KRT73: variants seen among roughly 807,000 people sequenced by gnomAD.
KRT73 encodes the protein keratin, type II cytoskeletal 73.
KRT73 carries 44 observed loss-of-function variants against 47.2 expected under a neutral mutation model. The ratio of observed to expected loss-of-function variants is 0.93; its 90% confidence interval spans 0.73 to 1.20. KRT73 has a LOEUF of 1.20. Ranked by LOEUF, KRT73 falls within the 50% of genes most tolerant of loss-of-function variation. KRT73 has a pLI of 0.00. For missense variants in KRT73, 713 were observed against 704.5 expected (o/e 1.01, Z -0.14); for synonymous variants, 285 against 291.3 (o/e 0.98, Z 0.22).
chr12:52,616,010 G>A (rs1295911186), intron 2 of KRT73, among the ~76,000 whole-genome samples, 156 bp downstream of exon 2: 1 of 152,220 alleles, frequency 6.6e-6, no homozygotes, highest in Non-Finnish European at 1.5e-5. Context: ...GAGGCTGGTT[G>A]TCCACTGTCT....
At chr12:52,623,998 G>A in the KRT73 span, among the ~76,000 whole-genome samples, 1 of 151,882 alleles carries the variant, frequency 6.6e-6, no homozygotes, top group Non-Finnish European at 1.5e-5. Flanking sequence ...AATATAAATG[G>A]CCTAAATGTA....
At position 52,608,119 on chromosome 12, in the gene KRT73, A is replaced by C. The variant is rs1041482223; in HGVS notation, c.*77T>G. The C allele has an allele frequency of 6.8e-7, 1 of 1,465,284 alleles. No individual in the cohort carries two copies. Among genetic ancestry groups the C allele is most frequent in the Non-Finnish European group, 9.2e-7 (1 of 1,082,264 alleles). The allele number at this position is 1,465,284 out of a possible 1,614,324, so 90.8% of individuals were successfully genotyped here. The stretch of plus-strand genomic sequence containing the variant: ...AGAAGGAGATGAGGACAAATGAGAC[A>C]GAGGAATTTCCTAGAAGAGTCCGGA... On this transcript the variant is annotated 3_prime_UTR_variant, in exon 9 of 9. Transcript: ENST00000305748.
the KRT73 span, among the ~76,000 whole-genome samples, chr12:52,624,201 A>T: frequency 6.6e-6 from 1 of 152,086 alleles, no homozygotes; most frequent in Non-Finnish European, 1.5e-5. Flanking sequence ...AGAAATAGTG[A>T]TTTAGTAAGA....
the KRT73 span, among the ~76,000 whole-genome samples, chr12:52,629,345 A>G: frequency 6.6e-6 from 1 of 152,054 alleles, no homozygotes; most frequent in African/African-American, 2.4e-5. Context: ...CACACCACCC[A>G]CTGTCTGGGC....
intron 2 of KRT73, 98 bp from the exon 3 acceptor site, chr12:52,615,437 CT>C: frequency 2.1e-6 from 2 of 941,518 alleles, no homozygotes; most frequent in Non-Finnish European, 3.4e-6. Context: ...TATTATATGC[CT>C]TTTAAGAGGT....
chr12:52,619,654 C>A (rs1205156732), upstream of KRT73, among the ~76,000 whole-genome samples: 1 of 152,198 alleles, frequency 6.6e-6, no homozygotes, highest in Non-Finnish European at 1.5e-5. Flanking sequence ...CTGACTCTCT[C>A]CCAGGTACTG....
intron 4 of KRT73, 52 bp from the exon 5 acceptor site, chr12:52,613,904 C>T (rs749258190): frequency 3.8e-6 from 6 of 1,590,222 alleles, no homozygotes; most frequent in African/African-American, 1.3e-5. Flanking sequence ...AGAGAAAGGT[C>T]CCAAGGTGAT....
intron 4 of KRT73, chr12:52,614,345 C>A: frequency 2.1e-6 from 1 of 486,424 alleles, no homozygotes; most frequent in Non-Finnish European, 3.6e-6. Flanking sequence ...CAGTGGGAAC[C>A]CTTTAAGGAC....
chr12:52,616,524 A>G, intron 1 of KRT73, 144 bp from the exon 2 acceptor site: 1 of 973,466 alleles, frequency 1.0e-6, no homozygotes, highest in Non-Finnish European at 1.5e-6. Flanking sequence ...TGCCACTCAC[A>G]CCCCCACTCC....
chr12:52,630,072 C>T, the KRT73 span, among the ~76,000 whole-genome samples: 1 of 152,214 alleles, frequency 6.6e-6, no homozygotes, highest in Non-Finnish European at 1.5e-5. Flanking sequence ...CACCCTTTTC[C>T]CTCTTGTTCA....
At chr12:52,628,352 G>A in the KRT73 span, among the ~76,000 whole-genome samples, 85 of 152,034 alleles carry the variant, frequency 5.6e-4, no homozygotes, top group African/African-American at 1.9e-3. Context: ...GGGTGGGGCC[G>A]GGCTGGCACA....
At position 52,616,160 on chromosome 12, in the gene KRT73, G is replaced by T. The variant is rs201596949; in HGVS notation, c.662+6C>A. On this transcript the variant is annotated splice_donor_region_variant and intron_variant, in intron 2 of 8. Coordinates refer to ENST00000305748, the MANE Select transcript of KRT73 (RefSeq NM_175068.3). ...GCAGACCAGCCTGGAGTGGCGTCCTGCTCACCTCTTCTTGTAGTCCTCCAC... is the reference window on the plus strand; with the variant it reads ...GCAGACCAGCCTGGAGTGGCGTCCTTCTCACCTCTTCTTGTAGTCCTCCAC... 6.2e-7 allele frequency: 1 copy of T among 1,614,020 alleles called. No individual in the cohort carries two copies. The highest frequency in any genetic ancestry group is 8.5e-7 in the Non-Finnish European group (1 of 1,179,914).
the KRT73 span, among the ~76,000 whole-genome samples, chr12:52,629,914 C>T: frequency 2.0e-5 from 3 of 152,186 alleles, no homozygotes; most frequent in African/African-American, 7.2e-5. Flanking sequence ...CCTAGACTTG[C>T]ACAAACACTC....
chr12:52,629,100 CCT>C, the KRT73 span, among the ~76,000 whole-genome samples: 1 of 152,184 alleles, frequency 6.6e-6, no homozygotes, highest in Non-Finnish European at 1.5e-5. Flanking sequence ...TGGACACGAA[CCT>C]GGATGCTGCA....
At chr12:52,613,931 G>C in intron 4 of KRT73, 79 bp from the exon 5 acceptor site, 2 of 1,568,830 alleles carry the variant, frequency 1.3e-6, no homozygotes, top group Non-Finnish European at 8.7e-7. Context: ...GTCCCAGAGG[G>C]ATGGCCCTAG....
chr12:52,613,745 C>A lies in KRT73; in HGVS notation c.927G>T (p.Gln309His), dbSNP rs530191876. Residue 309 changes from glutamine (Q) to histidine (H), a missense_variant, in exon 5 of 9, where the codon CAG (glutamine) becomes CAT (histidine). By Grantham distance (24) the Gln-to-His change is conservative. Transcript: ENST00000305748. ...TGCTCTTCCGGGCGATCTCCTCATA[C>A]TGGGCACGGACCTCAGCAATGATGC... ...LDSIIAEVRA[Q>H]YEEIARKSKA... is the part of the protein sequence containing the mutation. 1 of 1,613,982 alleles carries A rather than the reference C, an allele frequency of 6.2e-7. No homozygotes were observed. The highest frequency in any genetic ancestry group is 8.5e-7 in the Non-Finnish European group (1 of 1,179,924).
intron 8 of KRT73, 108 bp from the exon 9 acceptor site, chr12:52,608,560 G>T: frequency 1.0e-6 from 1 of 958,458 alleles, no homozygotes; most frequent in Non-Finnish European, 1.5e-6. Context: ...TCCTTCTTAA[G>T]CAAACACTTC....
upstream of KRT73, among the ~76,000 whole-genome samples, chr12:52,620,583 G>A (rs1347041806): frequency 1.3e-5 from 2 of 152,212 alleles, no homozygotes; most frequent in African/African-American, 4.8e-5. Flanking sequence ...ACAAATTGCT[G>A]CATGTCACAG....
chr12:52,616,231 C>T lies in KRT73; in HGVS notation c.597G>A (p.Gly199=). ...NLRKQLETLS[G]DRVRLDSELR... ...GCTCCGAGTCCAGCCTCACCCTGTC[C>T]CCAGACAGCGTCTCCAGCTGCTTCC... The change falls in exon 2 of 9, where the codon GGG becomes GGA. Residue 199 remains glycine (G), a synonymous_variant. Coordinates refer to ENST00000305748, the MANE Select transcript of KRT73 (RefSeq NM_175068.3). The T allele has an allele frequency of 6.2e-7, 1 of 1,614,180 alleles. No homozygotes were observed. Among genetic ancestry groups the T allele is most frequent in the East Asian group, 2.2e-5 (1 of 44,878 alleles).
Sources: gnomAD v4.1 joint callset for allele counts (sites outside exome capture counted in the v4.1 genomes callset) on GRCh38, gnomAD v4.1.1 for gene constraint, MANE v1.5 for transcripts, NCBI Gene and HGNC (gene_info 2026-07-23, HGNC 2026-07-21) for gene names.